PRR16: variants seen among roughly 807,000 people sequenced by gnomAD.
The protein encoded by PRR16 is proline rich 16.
A neutral mutation model predicts 18.2 loss-of-function variants in PRR16; 6 were observed. That is an observed-to-expected ratio of 0.33 (90% CI 0.18 to 0.65). The LOEUF (loss-of-function observed/expected upper bound fraction) is 0.65. Among genes scored for constraint, PRR16 ranks in the 30% least tolerant of loss-of-function variants. The pLI is 0.74. For synonymous variants in PRR16, 151 were observed against 147.8 expected (o/e 1.02, Z -0.16); for missense variants, 412 against 376.6 (o/e 1.09, Z -0.78).
chr5:120,668,489 C>G (rs960878838), intron 1 of PRR16, among the ~76,000 whole-genome samples: 3 of 151,670 alleles, frequency 2.0e-5, no homozygotes, highest in African/African-American at 7.3e-5. Flanking sequence ...GAATTTGATC[C>G]TGTCATTATG....
chr5:120,785,575 GTTTT>G, the PRR16 span, among the ~76,000 whole-genome samples: 705 of 115,424 alleles, frequency 6.1e-3, 18 homozygotes, highest in African/African-American at 0.021. Flanking sequence ...TGTTGTTGTT[GTTTT>G]TTTTTTTTTT....
At chr5:120,732,291 C>T in the PRR16 span, among the ~76,000 whole-genome samples, 2 of 152,160 alleles carry the variant, frequency 1.3e-5, no homozygotes, top group Non-Finnish European at 2.9e-5. Context: ...TATGTTCACG[C>T]TTAACGTGAG....
the PRR16 span, among the ~76,000 whole-genome samples, chr5:120,789,243 T>C: frequency 2.0e-5 from 3 of 152,242 alleles, no homozygotes; most frequent in South Asian, 4.1e-4. Context: ...TATTCTTTAC[T>C]ACATCTTAAC....
At chr5:120,756,564 T>A in the PRR16 span, among the ~76,000 whole-genome samples, 1 of 152,134 alleles carries the variant, frequency 6.6e-6, no homozygotes, top group Non-Finnish European at 1.5e-5. Flanking sequence ...GAGCATTTTT[T>A]TTCATGTTTA....
At chr5:120,671,831 A>C (rs1044533407) in intron 1 of PRR16, among the ~76,000 whole-genome samples, 1 of 152,168 alleles carries the variant, frequency 6.6e-6, no homozygotes, top group African/African-American at 2.4e-5. Context: ...TGTATGAAAA[A>C]GAGAGAAGTT....
the PRR16 span, among the ~76,000 whole-genome samples, chr5:120,730,454 G>A: frequency 6.6e-6 from 1 of 152,124 alleles, no homozygotes. Context: ...TTTCTAAGCT[G>A]AATACATAGA....
At chr5:120,544,500 G>A (rs2112688461) in intron 1 of PRR16, among the ~76,000 whole-genome samples, 1 of 152,022 alleles carries the variant, frequency 6.6e-6, no homozygotes, top group South Asian at 2.1e-4. Flanking sequence ...GCACACACAT[G>A]TATGTGTATG....
intron 1 of PRR16, among the ~76,000 whole-genome samples, chr5:120,464,913 A>G (rs909801987): frequency 1.3e-5 from 2 of 151,742 alleles, no homozygotes; most frequent in African/African-American, 4.8e-5. Context: ...CGTGTCTCTG[A>G]ATCTGTGTGT....
At chr5:120,731,613 A>G in the PRR16 span, among the ~76,000 whole-genome samples, 4 of 152,216 alleles carry the variant, frequency 2.6e-5, no homozygotes, top group African/African-American at 9.6e-5. Context: ...TGCACCACTG[A>G]CAGAAAAGAC....
rs911477162 is a variant in PRR16 at position 120,499,096 on chromosome 5, C to CT, written c.159+34461dup. Among the ~76,000 whole-genome samples the CT allele has an allele frequency of 5.3e-3, 739 of 138,270 alleles. 11 individuals carry two copies. Among genetic ancestry groups the CT allele is most frequent in the African/African-American group, 0.018 (689 of 37,628 alleles). 90.7% of individuals were successfully genotyped at this position (138,270 alleles called of 152,430 possible). A position where few individuals can be genotyped will look rare whatever the true frequency, so the allele number is the denominator to read the frequency against. On this transcript the variant is annotated intron_variant, in intron 1 of 1. Coordinates refer to ENST00000407149, the MANE Select transcript of PRR16 (RefSeq NM_001300783.2). ...CCAAATATGGGACATTTTCAGTCAT[C>CT]TTTTTTTTTTAATCACTTTTTTTTT...
the PRR16 span, among the ~76,000 whole-genome samples, chr5:120,765,058 T>C: frequency 9.2e-5 from 14 of 152,058 alleles, no homozygotes; most frequent in Non-Finnish European, 1.9e-4. Flanking sequence ...ATCCTCTGTC[T>C]TTTGAAACCT....
At chr5:120,792,034 T>A in the PRR16 span, among the ~76,000 whole-genome samples, 3 of 152,158 alleles carry the variant, frequency 2.0e-5, no homozygotes, top group Admixed American at 6.5e-5. Context: ...CCTGAACTCA[T>A]CCATGAAGCA....
intron 1 of PRR16, among the ~76,000 whole-genome samples, chr5:120,538,583 G>T (rs1012703706): frequency 6.6e-6 from 1 of 152,202 alleles, no homozygotes; most frequent in Non-Finnish European, 1.5e-5. Context: ...GGTTTCTGCT[G>T]TTAAAACATT....
chr5:120,771,605 T>C, the PRR16 span, among the ~76,000 whole-genome samples: 3 of 152,166 alleles, frequency 2.0e-5, no homozygotes, highest in East Asian at 3.9e-4. Context: ...TTTTTATTAT[T>C]CATAAATGAA....
intron 1 of PRR16, among the ~76,000 whole-genome samples, chr5:120,652,759 A>G (rs1755834942): frequency 6.6e-6 from 1 of 151,990 alleles, no homozygotes; most frequent in Non-Finnish European, 1.5e-5. Flanking sequence ...GAAAAGGGAC[A>G]TTAGGTGAAG....
chr5:120,498,842 T>C (rs1750347816), intron 1 of PRR16, among the ~76,000 whole-genome samples: 1 of 152,088 alleles, frequency 6.6e-6, no homozygotes, highest in Non-Finnish European at 1.5e-5. Flanking sequence ...AAAAATGGTA[T>C]GGCATTTTCT....
chr5:120,547,970 C>A (rs759909549), intron 1 of PRR16, among the ~76,000 whole-genome samples: 6 of 151,714 alleles, frequency 4.0e-5, no homozygotes, highest in Non-Finnish European at 5.9e-5. Context: ...ATAAAAATAC[C>A]AAACTTTATG....
intron 1 of PRR16, among the ~76,000 whole-genome samples, chr5:120,678,174 G>T (rs1404885141): frequency 2.0e-5 from 3 of 152,110 alleles, no homozygotes; most frequent in Admixed American, 6.5e-5. Flanking sequence ...CTCCCAAAGT[G>T]CTGGGATTAA....
At chr5:120,579,853 C>T (rs1172972265) in intron 1 of PRR16, among the ~76,000 whole-genome samples, 2 of 152,168 alleles carry the variant, frequency 1.3e-5, no homozygotes, top group South Asian at 4.1e-4. Flanking sequence ...ATTGATTCTT[C>T]CTATCCATAA....
Sources: allele counts gnomAD v4.1 joint callset (sites outside exome capture counted in the v4.1 genomes callset), GRCh38; gene constraint gnomAD v4.1.1; transcripts MANE v1.5; gene names NCBI Gene and HGNC (gene_info 2026-07-23, HGNC 2026-07-21).